RMND1: variants seen among roughly 807,000 people sequenced by gnomAD.
RMND1 encodes the protein required for meiotic nuclear division protein 1 homolog.
A neutral mutation model predicts 54.0 loss-of-function variants in RMND1; 41 were observed. The observed-to-expected ratio is 0.76, with a 90% confidence interval of 0.59 to 0.98. RMND1 has a LOEUF of 0.98. Among genes scored for constraint, RMND1 ranks in the 50% least tolerant of loss-of-function variants. The pLI, the probability that RMND1 is intolerant of heterozygous loss-of-function variation, is 0.00. For synonymous variants in RMND1, 183 were observed against 181.7 expected (o/e 1.01, Z -0.06); for missense variants, 457 against 532.0 (o/e 0.86, Z 1.39).
intron 2 of RMND1, 51 bp downstream of exon 2, chr6:151,445,257 A>C: frequency 6.4e-7 from 1 of 1,552,300 alleles, no homozygotes; most frequent in South Asian, 1.2e-5. Context: ...ACACTGGTTT[A>C]GCATGAGCAA....
chr6:151,430,895 C>G (rs542867573), intron 4 of RMND1, among the ~76,000 whole-genome samples: 2 of 149,854 alleles, frequency 1.3e-5, no homozygotes, highest in African/African-American at 2.5e-5. Flanking sequence ...AATGGCTCCA[C>G]GTTATTCTTG....
At chr6:151,432,964 A>G (rs938758349) in intron 4 of RMND1, among the ~76,000 whole-genome samples, 191 bp downstream of exon 4, 12 of 152,206 alleles carry the variant, frequency 7.9e-5, no homozygotes, top group Non-Finnish European at 1.5e-4. Flanking sequence ...TTTACTTTAT[A>G]AGAGGGTTTA....
intron 3 of RMND1, among the ~76,000 whole-genome samples, chr6:151,433,995 G>A (rs1780528212): frequency 7.6e-6 from 1 of 131,812 alleles, no homozygotes. Context: ...ACAGGCATGT[G>A]CCACCGCACC....
At chr6:151,417,563 C>A (rs1468457912) in intron 9 of RMND1, among the ~76,000 whole-genome samples, 164 bp from the exon 10 acceptor site, 1 of 151,672 alleles carries the variant, frequency 6.6e-6, no homozygotes, top group Non-Finnish European at 1.5e-5. Flanking sequence ...GTGATCACAA[C>A]TCACTGCAAA....
chr6:151,423,380 T>A (rs940966385), intron 7 of RMND1, 145 bp downstream of exon 7: 3 of 595,456 alleles, frequency 5.0e-6, no homozygotes. Flanking sequence ...ATACTAGATA[T>A]TTTTTCTGAT....
At chr6:151,438,446 T>G (rs1780677240) in intron 2 of RMND1, among the ~76,000 whole-genome samples, 2 of 152,218 alleles carry the variant, frequency 1.3e-5, no homozygotes, top group Admixed American at 1.3e-4. Flanking sequence ...GCTAGTCCAC[T>G]GAAGGATCTT....
At chr6:151,406,692 A>G (rs770408378) in intron 10 of RMND1, among the ~76,000 whole-genome samples, 3 of 148,874 alleles carry the variant, frequency 2.0e-5, no homozygotes, top group Non-Finnish European at 2.9e-5. Flanking sequence ...ATCTTTATAT[A>G]TCACTTGCTA....
At chr6:151,440,522 C>T (rs1780743539) in intron 2 of RMND1, among the ~76,000 whole-genome samples, 1 of 152,344 alleles carries the variant, frequency 6.6e-6, no homozygotes, top group East Asian at 1.9e-4. Context: ...TCTGTTTTCA[C>T]TTGGCCATCC....
chr6:151,421,110 T>A, intron 9 of RMND1, 135 bp downstream of exon 9: 1 of 661,464 alleles, frequency 1.5e-6, no homozygotes. Flanking sequence ...TTCTCCCTGC[T>A]TATAATCAAT....
At chr6:151,420,518 G>A (rs1458142577) in intron 9 of RMND1, among the ~76,000 whole-genome samples, 1 of 152,054 alleles carries the variant, frequency 6.6e-6, no homozygotes, top group African/African-American at 2.4e-5. Flanking sequence ...CGTAAATCCT[G>A]GGACAACTAC....
chr6:151,419,671 T>TA (rs11295311), intron 9 of RMND1, among the ~76,000 whole-genome samples: 11,786 of 117,000 alleles, frequency 0.1, 1,754 homozygotes, highest in African/African-American at 0.34. Flanking sequence ...AGACCCTGTT[T>TA]AAAAAAAAAA....
intron 5 of RMND1, among the ~76,000 whole-genome samples, chr6:151,429,113 T>C (rs1780383905): frequency 6.6e-6 from 1 of 152,002 alleles, no homozygotes. Flanking sequence ...TGGTTATATT[T>C]TGTAACCCGC....
chr6:151,432,216 C>T (rs147806958), intron 4 of RMND1, among the ~76,000 whole-genome samples: 1 of 152,192 alleles, frequency 6.6e-6, no homozygotes, highest in African/African-American at 2.4e-5. Flanking sequence ...GGATTACAGG[C>T]ATAAGCCACC....
At chr6:151,447,107 T>C (rs919475117) in intron 1 of RMND1, among the ~76,000 whole-genome samples, 18 of 151,850 alleles carry the variant, frequency 1.2e-4, no homozygotes, top group African/African-American at 3.9e-4. Context: ...AACTGAGTCT[T>C]GAAAGGGCAG....
intron 2 of RMND1, 113 bp from the exon 3 acceptor site, chr6:151,436,667 T>C: frequency 1.0e-6 from 1 of 969,160 alleles, no homozygotes; most frequent in Non-Finnish European, 1.5e-6. Context: ...CAGAATTTTC[T>C]TCAAACATCT....
Position 151,423,597 on chromosome 6 carries a change from A to T in RMND1, c.865T>A (p.Leu289Ile). The change falls in exon 7 of 12, where the codon TTA becomes ATA. Residue 289 changes from leucine to isoleucine, a missense_variant. By Grantham distance (5) the Leu-to-Ile change is conservative. Transcript: ENST00000444024. The stretch of plus-strand genomic sequence containing the variant: ...TCATCTAAATCCAGCTCTGAATTTA[A>T]CTTGATTTCCCCCCTGTGAAGTTTT... ...QSKLHRGEIK[L>I]NSELDLDDAI... is the part of the protein sequence containing the mutation. 6.2e-7 allele frequency: 1 copy of T among 1,613,912 alleles called. No homozygotes were observed. Among genetic ancestry groups the T allele is most frequent in the South Asian group, 1.1e-5 (1 of 91,078 alleles).
intron 1 of RMND1, among the ~76,000 whole-genome samples, chr6:151,450,065 C>A (rs934564803): frequency 2.0e-5 from 3 of 152,104 alleles, no homozygotes; most frequent in African/African-American, 7.2e-5. Context: ...TCTGCCTGGC[C>A]CCCCATCGTC....
At chr6:151,413,616 C>A (rs1005354165) in intron 10 of RMND1, among the ~76,000 whole-genome samples, 3 of 152,202 alleles carry the variant, frequency 2.0e-5, no homozygotes, top group Non-Finnish European at 4.4e-5. Flanking sequence ...ACAGGAAATA[C>A]CTCAACTGTA....
intron 8 of RMND1, among the ~76,000 whole-genome samples, chr6:151,422,222 G>A (rs1780169492): frequency 6.6e-6 from 1 of 152,124 alleles, no homozygotes; most frequent in South Asian, 2.1e-4. Flanking sequence ...TACCGAACAT[G>A]TACAAACTGT....
Sources: gnomAD v4.1 joint callset for allele counts (sites outside exome capture counted in the v4.1 genomes callset) on GRCh38, gnomAD v4.1.1 for gene constraint, MANE v1.5 for transcripts, NCBI Gene and HGNC (gene_info 2026-07-23, HGNC 2026-07-21) for gene names.